Variants in LRRC8D observed in about 807,000 individuals in gnomAD.
LRRC8D encodes the protein leucine rich repeat containing 8 VRAC subunit D.
A neutral mutation model predicts 55.8 loss-of-function variants in LRRC8D; 20 were observed. The ratio of observed to expected loss-of-function variants is 0.36; its 90% CI spans 0.25 to 0.52. The LOEUF (loss-of-function observed/expected upper bound fraction) is 0.52, where lower values mean the gene tolerates loss of function less well. Among genes scored for constraint, LRRC8D ranks in the 20% least tolerant of loss-of-function variants. The pLI is 0.93. For synonymous variants in LRRC8D, 352 were observed against 377.0 expected, an observed-to-expected ratio of 0.93 and a Z score of 0.77; for missense variants, 651 against 1,030.8, an observed-to-expected ratio of 0.63 and a Z score of 5.05.
chr1:89,860,942 C>G (rs947443644), intron 2 of LRRC8D, among the ~76,000 whole-genome samples: 1 of 151,414 alleles, frequency 6.6e-6, no homozygotes, highest in Non-Finnish European at 1.5e-5. Context: ...ATCTGATTAT[C>G]TTCTGGGATA....
chr1:89,892,742 G>A (rs1264962617), intron 2 of LRRC8D, among the ~76,000 whole-genome samples: 1 of 152,052 alleles, frequency 6.6e-6, no homozygotes, highest in African/African-American at 2.4e-5. Context: ...GGATGGTCTC[G>A]ATCTTCTGAC....
chr1:89,884,440 G>A (rs1265401466), intron 2 of LRRC8D, among the ~76,000 whole-genome samples: 2 of 152,336 alleles, frequency 1.3e-5, no homozygotes, highest in Non-Finnish European at 2.9e-5. Context: ...AGTCATATAT[G>A]CGATGTTACA....
intron 2 of LRRC8D, among the ~76,000 whole-genome samples, chr1:89,924,419 G>A (rs1333063086): frequency 1.3e-5 from 2 of 152,200 alleles, no homozygotes; most frequent in African/African-American, 2.4e-5. Flanking sequence ...AAAAACACCA[G>A]ATGCTGGCAA....
At chr1:89,901,792 A>G (rs1179336119) in intron 2 of LRRC8D, among the ~76,000 whole-genome samples, 1 of 152,200 alleles carries the variant, frequency 6.6e-6, no homozygotes, top group African/African-American at 2.4e-5. Flanking sequence ...TCTTATACTT[A>G]TTTTATGGTT....
intron 2 of LRRC8D, among the ~76,000 whole-genome samples, chr1:89,894,963 C>T (rs1662668632): frequency 6.6e-6 from 1 of 152,076 alleles, no homozygotes. Context: ...TGTCAGATTC[C>T]ATGACCCAAG....
chr1:89,851,973 T>C lies in LRRC8D; in HGVS notation c.-3+8191T>C, dbSNP rs115980831. On this transcript the variant is annotated intron_variant, in intron 2 of 2. Transcript: ENST00000337338. Reference sequence around the variant, plus strand: ...AGATGTTAACCTTGGCCAATAGTTATAGGATTACGTAGATAATAGCTGTAT... The same window carrying C: ...AGATGTTAACCTTGGCCAATAGTTACAGGATTACGTAGATAATAGCTGTAT... Among the ~76,000 whole-genome samples, 887 of 151,160 alleles carry C rather than the reference T, an allele frequency of 5.9e-3. 9 individuals are homozygous for C. The highest frequency in any genetic ancestry group is 0.02 in the South Asian group (93 of 4,698).
In LRRC8D at chr1:89,839,762, A is replaced by G. The variant is rs1343231999; in HGVS notation, c.-147-3876A>G. On this transcript the variant is annotated intron_variant, in intron 1 of 2. Coordinates refer to ENST00000337338, the MANE Select transcript of LRRC8D (RefSeq NM_001134479.2). ...GGTAGGGACACTGCTGTGAAGGCTG[A>G]TAGTGCAGAGGGTCATCTCTTTGGC... Among the ~76,000 whole-genome samples, 8 of 8,156 alleles carry G rather than the reference A, an allele frequency of 9.8e-4. No individual in the cohort carries two copies. In the Non-Finnish European group the frequency reaches 0.06, roughly 61 times the overall value. 5.4% of individuals were successfully genotyped at this position (8,156 alleles called of 152,430 possible). A position where few individuals can be genotyped will look rare whatever the true frequency, so the allele number is the denominator to read the frequency against.
At chr1:89,887,641 C>T (rs1662456018) in intron 2 of LRRC8D, among the ~76,000 whole-genome samples, 1 of 152,192 alleles carries the variant, frequency 6.6e-6, no homozygotes, top group African/African-American at 2.4e-5. Context: ...TTATTAACTT[C>T]CCTGGTAATC....
rs766856838 is a variant in LRRC8D at position 89,935,351 on chromosome 1, G to A, written c.2283G>A (p.Gly761=). 1 of 1,614,206 alleles carries A rather than the reference G, an allele frequency of 6.2e-7. No individual in the cohort carries two copies. Among genetic ancestry groups the A allele is most frequent in the Non-Finnish European group, 8.5e-7 (1 of 1,180,034 alleles). ...ACCTGCAGCATTTGCATATCACTGG[G>A]AACAAAGTGGACATTCTGCCAAAAC... ...LQNLQHLHIT[G]NKVDILPKQL... is the part of the protein sequence containing the mutation. The change falls in exon 3 of 3, where the codon GGG becomes GGA. Residue 761 remains glycine, a synonymous_variant. Transcript: ENST00000337338.
intron 1 of LRRC8D, chr1:89,821,977 C>G (rs1285263357): frequency 6.6e-6 from 1 of 152,324 alleles, no homozygotes; most frequent in Non-Finnish European, 1.5e-5. Flanking sequence ...GACTTCTGCT[C>G]AAATCCTGTC....
intron 2 of LRRC8D, among the ~76,000 whole-genome samples, chr1:89,886,070 G>C (rs1401490365): frequency 6.6e-6 from 1 of 152,154 alleles, no homozygotes; most frequent in Admixed American, 6.5e-5. Flanking sequence ...AGTGGGGAGA[G>C]GAATAGTAAT....
intron 2 of LRRC8D, among the ~76,000 whole-genome samples, chr1:89,887,037 T>C (rs1037753813): frequency 2.6e-5 from 4 of 152,160 alleles, no homozygotes; most frequent in Non-Finnish European, 5.9e-5. Context: ...AAATTTTATT[T>C]CTTAGAAGAA....
chr1:89,847,978 A>G (rs1383307778), intron 2 of LRRC8D, among the ~76,000 whole-genome samples: 1 of 152,232 alleles, frequency 6.6e-6, no homozygotes, highest in African/African-American at 2.4e-5. Context: ...CCAAAGCAAA[A>G]CAACTGCTCC....
Position 89,933,376 on chromosome 1 carries a change from C to A in LRRC8D, c.308C>A (p.Ser103Tyr), listed in dbSNP as rs541307766. 1.9e-6 allele frequency: 3 copies of A among 1,614,160 alleles called. No individual in the cohort carries two copies. In the East Asian group the frequency reaches 6.7e-5, roughly 36 times the overall value. ...RTTNDISFGTSAVTPDIPLRA... is the reference protein window; with the variant it reads ...RTTNDISFGTYAVTPDIPLRA... Reference sequence around the variant, plus strand: ...ACAAACGACATTTCCTTTGGGACATCTGCTGTGACACCTGACATACCTCTC... The same window carrying A: ...ACAAACGACATTTCCTTTGGGACATATGCTGTGACACCTGACATACCTCTC... The change falls in exon 3 of 3, where the codon TCT becomes TAT. Residue 103 changes from serine (S) to tyrosine (Y), a missense_variant. Transcript: ENST00000337338. The surrounding 1 kb of genome is among the most constrained non-coding windows in gnomAD (Gnocchi z 7.0).
chr1:89,869,072 A>G (rs1432328106), intron 2 of LRRC8D, among the ~76,000 whole-genome samples: 1 of 152,024 alleles, frequency 6.6e-6, no homozygotes, highest in Non-Finnish European at 1.5e-5. Context: ...ATGCCCGGCT[A>G]ATTTTTGTAC....
At chr1:89,849,154 A>T (rs1008592464) in intron 2 of LRRC8D, among the ~76,000 whole-genome samples, 2 of 152,200 alleles carry the variant, frequency 1.3e-5, no homozygotes, top group African/African-American at 4.8e-5. Context: ...GAACTAGACT[A>T]TGTAAAGAAA....
chr1:89,846,310 G>A (rs1036093232), intron 2 of LRRC8D, among the ~76,000 whole-genome samples: 1 of 137,678 alleles, frequency 7.3e-6, no homozygotes, highest in Admixed American at 7.4e-5. Flanking sequence ...TGTATATGAT[G>A]TATTTTTTTT....
At chr1:89,885,837 G>C (rs1023780535) in intron 2 of LRRC8D, among the ~76,000 whole-genome samples, 1 of 152,204 alleles carries the variant, frequency 6.6e-6, no homozygotes, top group African/African-American at 2.4e-5. Flanking sequence ...GCTGCAGGCT[G>C]TGGAGGCAGA....
At chr1:89,892,972 CATTT>C (rs770168774) in intron 2 of LRRC8D, among the ~76,000 whole-genome samples, 20 of 152,028 alleles carry the variant, frequency 1.3e-4, no homozygotes, top group East Asian at 1.9e-4. Flanking sequence ...TTCATTCATT[CATTT>C]ATTTATTTAT....
Sources: gnomAD v4.1 joint callset for allele counts (sites outside exome capture counted in the v4.1 genomes callset) on GRCh38, gnomAD v4.1.1 for gene constraint, Gnocchi (gnomAD v3.1) non-coding constraint, MANE v1.5 for transcripts, NCBI Gene and HGNC (gene_info 2026-07-23, HGNC 2026-07-21) for gene names.